The following STK24 variants were observed in gnomAD, a reference collection of about 807,000 sequenced individuals.
STK24 encodes the protein serine/threonine kinase 24.
STK24 carries 21 observed loss-of-function variants against 55.6 expected under a neutral mutation model. The observed-to-expected ratio is 0.38, with a 90% CI of 0.27 to 0.54. The LOEUF (loss-of-function observed/expected upper bound fraction) is 0.54. Among genes scored for constraint, STK24 ranks in the 20% least tolerant of loss-of-function variants. STK24 has a pLI of 0.79. For synonymous variants in STK24, 200 were observed against 215.2 expected (o/e 0.93, Z 0.62); for missense variants, 383 against 538.4 (o/e 0.71, Z 2.86).
intron 1 of STK24, among the ~76,000 whole-genome samples, chr13:98,526,245 C>T (rs544700923): frequency 3.3e-5 from 5 of 152,182 alleles, no homozygotes; most frequent in African/African-American, 9.6e-5. Flanking sequence ...TAATTTTTTT[C>T]GTGGATGCAA....
At chr13:98,482,788 C>A (rs1227748964) in intron 2 of STK24, among the ~76,000 whole-genome samples, 1 of 152,214 alleles carries the variant, frequency 6.6e-6, no homozygotes, top group Non-Finnish European at 1.5e-5. Flanking sequence ...CCCCCCACCC[C>A]CTACCGTGTG....
intron 9 of STK24, among the ~76,000 whole-genome samples, chr13:98,459,909 G>A (rs1291675461): frequency 6.6e-6 from 1 of 152,210 alleles, no homozygotes; most frequent in Non-Finnish European, 1.5e-5. Flanking sequence ...GCAGGGAGTG[G>A]GCGTGGGGAG....
At chr13:98,551,451 T>C (rs957997591) in intron 1 of STK24, among the ~76,000 whole-genome samples, 3 of 149,320 alleles carry the variant, frequency 2.0e-5, no homozygotes, top group Non-Finnish European at 4.5e-5. Flanking sequence ...TACTTTCTCT[T>C]TTTTTTTTTT....
chr13:98,530,600 G>A (rs1457140484), intron 1 of STK24, among the ~76,000 whole-genome samples: 9 of 152,210 alleles, frequency 5.9e-5, no homozygotes, highest in East Asian at 5.8e-4. Context: ...CACTGTCTCC[G>A]GAGCTCTGAC....
At chr13:98,484,891 T>C (rs1268528395) in intron 2 of STK24, among the ~76,000 whole-genome samples, 2 of 152,098 alleles carry the variant, frequency 1.3e-5, no homozygotes, top group Admixed American at 1.3e-4. Context: ...CTCCAACTCA[T>C]TCCTGGTAGC....
rs1893029373 is a variant in STK24, at chr13:98,448,757, A to G, written c.*4416T>C. On this transcript the variant is annotated 3_prime_UTR_variant, in exon 11 of 11. Coordinates refer to ENST00000539966, the MANE Select transcript of STK24 (RefSeq NM_001032296.4). ...TCCCGGTGTTTGTTTGTTTGTTTGC[A>G]ATACACTCAGTGCAGCCTTAAGCAA... 6.3e-6 allele frequency: 1 copy of G among 159,886 alleles called. No individual in the cohort carries two copies. Among genetic ancestry groups the G allele is most frequent in the Admixed American group, 6.2e-5 (1 of 16,098 alleles). 9.9% of individuals were successfully genotyped at this position (159,886 alleles called of 1,614,324 possible).
intron 1 of STK24, among the ~76,000 whole-genome samples, chr13:98,546,550 C>T (rs1945785881): frequency 6.6e-6 from 1 of 152,186 alleles, no homozygotes; most frequent in Non-Finnish European, 1.5e-5. Context: ...CCTCACTCAC[C>T]ACCAGATGGG....
At chr13:98,519,523 A>G (rs1896185269) in intron 1 of STK24, 50 bp from the exon 2 acceptor site, 2 of 1,403,308 alleles carry the variant, frequency 1.4e-6, no homozygotes, top group African/African-American at 2.9e-5. Flanking sequence ...TCATAGCACC[A>G]CAACTCCTTT....
chr13:98,558,444 G>A (rs1346367817), intron 1 of STK24, among the ~76,000 whole-genome samples: 1 of 152,110 alleles, frequency 6.6e-6, no homozygotes, highest in South Asian at 2.1e-4. Context: ...ACACCAGGAG[G>A]GCACTACAAT....
chr13:98,530,528 T>A (rs1594644731), intron 1 of STK24, among the ~76,000 whole-genome samples: 1 of 152,292 alleles, frequency 6.6e-6, no homozygotes, highest in South Asian at 2.1e-4. Context: ...TGACTTGTCT[T>A]CAGGCACAGA....
chr13:98,544,173 G>A (rs1199794326), intron 1 of STK24, among the ~76,000 whole-genome samples: 2 of 152,224 alleles, frequency 1.3e-5, no homozygotes, highest in African/African-American at 2.4e-5. Flanking sequence ...ACCCACAGAT[G>A]ACAAAGACTA....
intron 9 of STK24, among the ~76,000 whole-genome samples, chr13:98,458,436 G>A (rs918279455): frequency 2.6e-5 from 4 of 152,182 alleles, no homozygotes; most frequent in Admixed American, 2.0e-4. Flanking sequence ...TAAGAGCAAC[G>A]GCTTCTCTCT....
chr13:98,508,454 C>T (rs1376475751), intron 2 of STK24, among the ~76,000 whole-genome samples: 1 of 152,218 alleles, frequency 6.6e-6, no homozygotes, highest in Non-Finnish European at 1.5e-5. Context: ...AAGTAAACCA[C>T]TAGCCTTTCA....
intron 2 of STK24, among the ~76,000 whole-genome samples, chr13:98,509,835 A>G (rs1895820778): frequency 7.1e-6 from 1 of 139,964 alleles, no homozygotes; most frequent in Non-Finnish European, 1.6e-5. Context: ...CCAGTTGTGC[A>G]CACTCTCTCT....
At chr13:98,476,783 T>C (rs1330671408) in intron 3 of STK24, among the ~76,000 whole-genome samples, 1 of 151,662 alleles carries the variant, frequency 6.6e-6, no homozygotes, top group African/African-American at 2.4e-5. Flanking sequence ...AGGCCTGCCC[T>C]GGTCTACACA....
At chr13:98,548,659 C>T (rs1315293414) in intron 1 of STK24, among the ~76,000 whole-genome samples, 1 of 151,938 alleles carries the variant, frequency 6.6e-6, no homozygotes, top group Non-Finnish European at 1.5e-5. Context: ...GTCAGGAGTT[C>T]GAGACCACCC....
Position 98,525,437 on chromosome 13 carries a change from C to T in STK24, c.43-5964G>A, listed in dbSNP as rs184647861. Among the ~76,000 whole-genome samples, 11 of 152,314 alleles carry T rather than the reference C, an allele frequency of 7.2e-5. No individual in the cohort carries two copies. The East Asian group carries it at 1.9e-3, about 27-fold the overall frequency. ...GTGGGAGGTCAGGACACATGGACAA[C>T]CCCCGCTCCCCAACATTCCCCTCCA... On this transcript the variant is annotated intron_variant, in intron 1 of 10. Coordinates refer to ENST00000539966, the MANE Select transcript of STK24 (RefSeq NM_001032296.4).
chr13:98,466,582 T>C, intron 5 of STK24, 21 bp from the exon 6 acceptor site: 3 of 1,610,628 alleles, frequency 1.9e-6, no homozygotes, highest in Non-Finnish European at 2.5e-6. Flanking sequence ...AAAAGCATCT[T>C]TACAAACACC....
chr13:98,565,629 C>A (rs1897544897), intron 1 of STK24, among the ~76,000 whole-genome samples: 1 of 101,914 alleles, frequency 9.8e-6, no homozygotes, highest in Admixed American at 1.1e-4. Context: ...GAGACTCCAT[C>A]TCAAAAAAAA....
Sources: allele counts gnomAD v4.1 joint callset (sites outside exome capture counted in the v4.1 genomes callset), GRCh38; gene constraint gnomAD v4.1.1; transcripts MANE v1.5; gene names NCBI Gene and HGNC (gene_info 2026-07-23, HGNC 2026-07-21).